The following TDRD9 variants were observed in gnomAD, a reference collection of about 807,000 sequenced individuals.
TDRD9 encodes the protein tudor domain containing 9, also known as ATP-dependent RNA helicase TDRD9.
A neutral mutation model predicts 172.6 loss-of-function variants in TDRD9; 124 were observed. The ratio of observed to expected loss-of-function variants is 0.72; its 90% CI spans 0.62 to 0.83. The LOEUF is 0.83. Ranked by LOEUF, TDRD9 falls within the 40% of genes least tolerant of loss-of-function variation. The pLI, the probability that TDRD9 is intolerant of heterozygous loss-of-function variation, is 0.00. For synonymous variants in TDRD9, 619 were observed against 617.1 expected, an observed-to-expected ratio of 1.00 and a Z score of -0.05; for missense variants, 1,479 against 1,714.1, an observed-to-expected ratio of 0.86 and a Z score of 2.42.
chr14:104,019,631 T>G (rs915964635), intron 23 of TDRD9, among the ~76,000 whole-genome samples: 2 of 152,208 alleles, frequency 1.3e-5, no homozygotes, highest in Non-Finnish European at 2.9e-5. Flanking sequence ...TTACAGTGAT[T>G]GAAAGAATAA....
At position 103,967,233 on chromosome 14, in the gene TDRD9, G is replaced by A. The variant is rs201143521; in HGVS notation, c.765+402G>A. ...TCTGAAATCAAACCATTTGGGCAACGGGCTCATGCCTGTAATCCCGATACT... is the reference window on the plus strand; with the variant it reads ...TCTGAAATCAAACCATTTGGGCAACAGGCTCATGCCTGTAATCCCGATACT... On this transcript the variant is annotated intron_variant, in intron 5 of 35. Coordinates refer to ENST00000409874, the MANE Select transcript of TDRD9 (RefSeq NM_153046.3). 1.1e-4 allele frequency among the ~76,000 whole-genome samples: 17 copies of A among 151,200 alleles called. No homozygotes were observed. The East Asian group carries it at 3.3e-3, about 29-fold the overall frequency.
chr14:103,951,411 A>C (rs1425925821), intron 1 of TDRD9, among the ~76,000 whole-genome samples: 1 of 152,326 alleles, frequency 6.6e-6, no homozygotes, highest in Non-Finnish European at 1.5e-5. Context: ...TTAATTCTTA[A>C]TTCCATGACT....
chr14:104,033,321 C>T (rs1439305225), intron 30 of TDRD9, among the ~76,000 whole-genome samples: 3 of 152,126 alleles, frequency 2.0e-5, no homozygotes, highest in East Asian at 3.9e-4. Context: ...AGTGTGAAGC[C>T]GGCATTGGAT....
intron 1 of TDRD9, among the ~76,000 whole-genome samples, chr14:103,949,568 C>T (rs757973110): frequency 6.6e-6 from 1 of 152,194 alleles, no homozygotes; most frequent in African/African-American, 2.4e-5. Context: ...CCCAGGGAGT[C>T]GTGCAATATG....
At chr14:104,026,974 G>A in intron 28 of TDRD9, 35 bp downstream of exon 28, 1 of 1,603,212 alleles carries the variant, frequency 6.2e-7, no homozygotes, top group South Asian at 1.1e-5. Flanking sequence ...GCACGCGTTT[G>A]TGTGAGAGAG....
chr14:103,953,923 C>G (rs1258019537), intron 1 of TDRD9, among the ~76,000 whole-genome samples: 1 of 152,190 alleles, frequency 6.6e-6, no homozygotes, highest in Non-Finnish European at 1.5e-5. Flanking sequence ...CTAACCTCTT[C>G]CTGAAACACC....
chr14:103,956,096 AAAAAAAAAAAAAAAAATAT>A (rs1212793492), intron 2 of TDRD9, among the ~76,000 whole-genome samples: 3 of 50,896 alleles, frequency 5.9e-5, no homozygotes, highest in East Asian at 9.8e-4. Flanking sequence ...AAAAAAAAAA[AAAAAAAAAAAAAAAAATAT>A]ATATATATAT....
At chr14:103,929,846 G>C (rs1348548273) in intron 1 of TDRD9, among the ~76,000 whole-genome samples, 1 of 152,228 alleles carries the variant, frequency 6.6e-6, no homozygotes, top group East Asian at 1.9e-4. Context: ...CAAGGTTTTT[G>C]TGTGGACATA....
In TDRD9 at chr14:103,976,975, G is replaced by A. The variant is rs753738608; in HGVS notation, c.1011+1422G>A. 3.9e-5 allele frequency among the ~76,000 whole-genome samples: 6 copies of A among 152,256 alleles called. No homozygotes were observed. The East Asian group carries it at 7.7e-4, about 20-fold the overall frequency. Reference sequence around the variant, plus strand: ...GGGCTCAAGCGGTCCTCCTGCCTCAGCCTCCCAAAGTGCTGGGATTACATG... The same window carrying A: ...GGGCTCAAGCGGTCCTCCTGCCTCAACCTCCCAAAGTGCTGGGATTACATG... On this transcript the variant is annotated intron_variant, in intron 7 of 35. Coordinates refer to ENST00000409874, the MANE Select transcript of TDRD9 (RefSeq NM_153046.3).
chr14:104,048,957 C>T (rs182609580), intron 34 of TDRD9, among the ~76,000 whole-genome samples: 5 of 152,148 alleles, frequency 3.3e-5, no homozygotes, highest in Non-Finnish European at 5.9e-5. Flanking sequence ...GGGGTGGGAG[C>T]GGCTCCCTAC....
intron 30 of TDRD9, among the ~76,000 whole-genome samples, chr14:104,032,369 G>A (rs1186745799): frequency 6.6e-6 from 1 of 152,070 alleles, no homozygotes; most frequent in Non-Finnish European, 1.5e-5. Context: ...ACCACACCTG[G>A]CTAATTTTTG....
intron 1 of TDRD9, chr14:103,940,901 TG>T: frequency 6.5e-7 from 1 of 1,535,308 alleles, no homozygotes; most frequent in East Asian, 2.4e-5. Context: ...CTGGAAATGG[TG>T]GGTATTTCAT....
At chr14:103,992,592 G>A (rs968997227) in intron 9 of TDRD9, among the ~76,000 whole-genome samples, 5 of 152,076 alleles carry the variant, frequency 3.3e-5, no homozygotes, top group South Asian at 2.1e-4. Context: ...CAGTGCTCAC[G>A]CCTGGAATCC....
chr14:103,942,176 G>C (rs2031277653), intron 1 of TDRD9: 1 of 160,456 alleles, frequency 6.2e-6, no homozygotes, highest in Admixed American at 6.2e-5. Flanking sequence ...GACGTATCTT[G>C]CTCTCCTAGG....
At chr14:103,938,484 G>C (rs2030959412) in intron 1 of TDRD9, among the ~76,000 whole-genome samples, 1 of 130,590 alleles carries the variant, frequency 7.7e-6, no homozygotes, top group African/African-American at 2.8e-5. Context: ...TGTTGCGCAG[G>C]CTGGAGTGCA....
chr14:104,007,189 G>A lies in TDRD9; in HGVS notation c.2037G>A (p.Glu679=). ...KTWKACRQTG[E]LRYPKDELNW... The stretch of plus-strand genomic sequence containing the variant: ...GGAAGGCTTGCAGACAGACAGGGGA[G>A]CTGCGGTACCCGAAGGTTGGTGAGC... Residue 679 remains glutamate (E), a synonymous_variant, in exon 19 of 36, where the codon GAG becomes GAA. Transcript: ENST00000409874. The A allele has an allele frequency of 6.2e-7, 1 of 1,613,924 alleles. No individual in the cohort carries two copies. The highest frequency in any genetic ancestry group is 8.5e-7 in the Non-Finnish European group (1 of 1,179,838).
chr14:104,006,878 G>C (rs756381134), intron 18 of TDRD9, 33 bp downstream of exon 18: 7 of 1,562,456 alleles, frequency 4.5e-6, no homozygotes, highest in Non-Finnish European at 6.1e-6. Flanking sequence ...CATGAAAGCA[G>C]CTACCACAGA....
At position 104,006,654 on chromosome 14, in the gene TDRD9, C is replaced by G. The variant is rs985908130; in HGVS notation, c.1888C>G (p.Leu630Val). 3 of 1,613,822 alleles carry G rather than the reference C, an allele frequency of 1.9e-6. No individual in the cohort carries two copies. The highest frequency in any genetic ancestry group is 2.5e-6 in the Non-Finnish European group (3 of 1,179,810). ...LDECLIIAAA[L>V]SLKNFFAMPF... is the part of the protein sequence containing the mutation. The stretch of plus-strand genomic sequence containing the variant: ...TTATTTTTTATGGTTAGCGGCAGCT[C>G]TTTCTTTGAAGAATTTTTTTGCAAT... The change falls in exon 17 of 36, where the codon CTT (leucine) becomes GTT (valine). Residue 630 changes from leucine (L) to valine (V), a missense_variant. Leu to Val is a conservative substitution (Grantham distance 32). Transcript: ENST00000409874.
At chr14:104,022,393 T>C in intron 24 of TDRD9, 63 bp downstream of exon 24, 1 of 1,524,336 alleles carries the variant, frequency 6.6e-7, no homozygotes. Flanking sequence ...GGTGCTATTT[T>C]TACATGACCG....
Sources: allele counts gnomAD v4.1 joint callset (sites outside exome capture counted in the v4.1 genomes callset), GRCh38; gene constraint gnomAD v4.1.1; transcripts MANE v1.5; gene names NCBI Gene and HGNC (gene_info 2026-07-23, HGNC 2026-07-21).